The following SMG1 variants were observed in gnomAD, a reference collection of about 807,000 sequenced individuals.
The protein encoded by SMG1 is SMG1 nonsense mediated mRNA decay associated PI3K related kinase.
SMG1 carries 22 observed loss-of-function variants against 419.9 expected under a neutral mutation model. That is an observed-to-expected ratio of 0.05 (90% confidence interval 0.04 to 0.07). The LOEUF is 0.07. Among genes scored for constraint, SMG1 ranks in the 10% least tolerant of loss-of-function variants. The pLI is 1.00. For missense variants in SMG1, 3,185 were observed against 4,342.0 expected (o/e 0.73, Z 7.49); for synonymous variants, 1,538 against 1,553.5 (o/e 0.99, Z 0.23).
intron 1 of SMG1, among the ~76,000 whole-genome samples, chr16:18,918,608 G>A (rs184987408): frequency 1.2e-4 from 18 of 152,304 alleles, no homozygotes; most frequent in South Asian, 6.2e-4. Context: ...GAGTGCAATG[G>A]CATGATCTTG....
chr16:18,863,235 A>C (rs1383919264), intron 25 of SMG1, among the ~76,000 whole-genome samples: 1 of 152,258 alleles, frequency 6.6e-6, no homozygotes, highest in East Asian at 1.9e-4. Context: ...AGCACAGAGG[A>C]ATGAAAAGAA....
chr16:18,889,140 A>G (rs560790982), intron 6 of SMG1, among the ~76,000 whole-genome samples: 1 of 152,318 alleles, frequency 6.6e-6, no homozygotes, highest in East Asian at 1.9e-4. Flanking sequence ...CCAATTTCTT[A>G]GAAGAAATCT....
intron 1 of SMG1, among the ~76,000 whole-genome samples, chr16:18,899,486 T>C (rs1850599): frequency 0.31 from 46,513 of 151,982 alleles, 7,899 homozygotes; most frequent in Non-Finnish European, 0.39. Flanking sequence ...AGAACTCAGG[T>C]TGTAAGCATT....
At position 18,854,898 on chromosome 16, in the gene SMG1, G is replaced by C; in HGVS notation, c.4241C>G (p.Thr1414Arg). The C allele has an allele frequency of 6.2e-7, 1 of 1,613,420 alleles. No homozygotes were observed. The highest frequency in any genetic ancestry group is 1.3e-5 in the African/African-American group (1 of 74,996). ...NQLLEKIKEQ[T>R]VPIRSHLMEL... ...CATGAGATGGCTTCTAATTGGGACT[G>C]TTTGTTCTGAAGAGAGGAAAACGTT... is the stretch of plus-strand genomic sequence containing the variant. The change falls in exon 30 of 63, where the codon ACA becomes AGA. Residue 1414 changes from threonine (T) to arginine (R), a missense_variant. This residue lies in a region of SMG1 where 493 missense variants were observed against 552.9 expected (regional missense o/e 0.89). Coordinates refer to ENST00000446231, the MANE Select transcript of SMG1 (RefSeq NM_015092.5).
chr16:18,913,637 A>G (rs2037867527), intron 1 of SMG1, among the ~76,000 whole-genome samples: 1 of 152,104 alleles, frequency 6.6e-6, no homozygotes, highest in Non-Finnish European at 1.5e-5. Flanking sequence ...ACAAATATCT[A>G]GTAAATATTA....
intron 23 of SMG1, among the ~76,000 whole-genome samples, chr16:18,864,650 C>T (rs1047427382): frequency 1.5e-4 from 23 of 152,080 alleles, no homozygotes; most frequent in African/African-American, 5.3e-4. Flanking sequence ...CGCCCACCAC[C>T]ACACCTGGCT....
In SMG1 at chr16:18,834,168, C is replaced by G. The variant is rs1431241778; in HGVS notation, c.8565+36G>C. The G allele has an allele frequency of 6.9e-6, 10 of 1,452,552 alleles. No individual in the cohort carries two copies. The East Asian group carries it at 1.5e-4, about 22-fold the overall frequency. The allele number at this position is 1,452,552 out of a possible 1,614,324, so 90.0% of individuals were successfully genotyped here. ...AGATGAGAAAGACAATATTCAGTAT[C>G]TAAAACAAACTAATATTTAAAATAA... On this transcript the variant is annotated intron_variant, in intron 50 of 62. Transcript: ENST00000446231.
chr16:18,816,045 T>TG (rs1399228851), intron 58 of SMG1: 4 of 504,954 alleles, frequency 7.9e-6, no homozygotes, highest in African/African-American at 7.7e-5. Context: ...GTTCATATCT[T>TG]GGTTTTATTA....
chr16:18,911,480 C>T (rs965939465), intron 1 of SMG1: 4 of 152,046 alleles, frequency 2.6e-5, no homozygotes, highest in African/African-American at 9.7e-5. Flanking sequence ...TGCACTCCAG[C>T]CTGGGGGACA....
rs1050946113 is a variant in SMG1 at position 18,864,119 on chromosome 16, G to C, written c.3376C>G (p.Gln1126Glu). 5 of 1,547,218 alleles carry C rather than the reference G, an allele frequency of 3.2e-6. No individual in the cohort carries two copies. Among genetic ancestry groups the C allele is most frequent in the Non-Finnish European group, 3.5e-6 (4 of 1,146,052 alleles). Residue 1126 changes from glutamine (Q) to glutamate (E), a missense_variant, in exon 24 of 63, where the codon CAG (glutamine) becomes GAG (glutamate). Around this residue, in one of 27 missense-constraint regions of SMG1, gnomAD observed 121 missense variants for 125.4 expected, o/e 0.96. Transcript: ENST00000446231. ...CCTGTCATGGCACACAGGTGTTCCT[G>C]GTACTCCACAGAGGCCTTTTCAAAC... is the stretch of plus-strand genomic sequence containing the variant. ...GRFEKASVEY[Q>E]EHLCAMTGVD...
At chr16:18,871,005 C>T in intron 16 of SMG1, 117 bp from the exon 17 acceptor site, 1 of 657,006 alleles carries the variant, frequency 1.5e-6, no homozygotes, top group Non-Finnish European at 2.6e-6. Context: ...CTACTATAGA[C>T]TAGGCACTAC....
chr16:18,870,797 A>G lies in SMG1; in HGVS notation c.2390+4T>C, dbSNP rs2035776131. 6.4e-7 allele frequency: 1 copy of G among 1,564,190 alleles called. No homozygotes were observed. Among genetic ancestry groups the G allele is most frequent in the South Asian group, 1.2e-5 (1 of 85,612 alleles). On this transcript the variant is annotated splice_donor_region_variant and intron_variant, in intron 17 of 62. Transcript: ENST00000446231. ...TGTCAAAAGACATGATCTTAATTTCATACCTCTGTAAAAGATCATCTGGCA... is the reference window on the plus strand; with the variant it reads ...TGTCAAAAGACATGATCTTAATTTCGTACCTCTGTAAAAGATCATCTGGCA...
At chr16:18,888,478 CTTT>C (rs142087294) in intron 6 of SMG1, among the ~76,000 whole-genome samples, 10 of 140,166 alleles carry the variant, frequency 7.1e-5, no homozygotes, top group Admixed American at 7.1e-5. Flanking sequence ...GAAAAAAATC[CTTT>C]TTTTTTTTTT....
intron 52 of SMG1, 44 bp from the exon 53 acceptor site, chr16:18,830,159 C>G (rs373091295): frequency 1.2e-6 from 2 of 1,606,050 alleles, no homozygotes; most frequent in African/African-American, 2.7e-5. Flanking sequence ...CCACTCTTGA[C>G]ACAACTGAAC....
In SMG1 at chr16:18,859,537, T is replaced by A; in HGVS notation, c.3953+19A>T. 7.3e-7 allele frequency: 1 copy of A among 1,370,396 alleles called. No individual in the cohort carries two copies. Among genetic ancestry groups the A allele is most frequent in the South Asian group, 1.2e-5 (1 of 81,300 alleles). 84.9% of individuals were successfully genotyped at this position (1,370,396 alleles called of 1,614,324 possible). On this transcript the variant is annotated intron_variant, in intron 27 of 62. Transcript: ENST00000446231. Reference sequence around the variant, plus strand: ...ATGATATACACAATGTACATTTACCTCCGTAAGAGTAAACTTACTCAGTTA... The same window carrying A: ...ATGATATACACAATGTACATTTACCACCGTAAGAGTAAACTTACTCAGTTA...
Position 18,849,369 on chromosome 16 carries a change from G to A in SMG1, c.5471C>T (p.Pro1824Leu). 1.2e-6 allele frequency: 2 copies of A among 1,609,926 alleles called. No homozygotes were observed. Among genetic ancestry groups the A allele is most frequent in the South Asian group, 1.1e-5 (1 of 90,802 alleles). ...TPTAPWRGII[P>L]QLFSRLNHPE... ...GTGGTTTAAGCGTGAGAAAAGTTGC[G>A]GAATAATTCCTTCAGGACAAGAAGA... Residue 1824 changes from proline (P) to leucine (L), a missense_variant, in exon 36 of 63, where the codon CCG becomes CTG. Pro to Leu is a moderately conservative substitution (Grantham distance 98). Around this residue, in one of 27 missense-constraint regions of SMG1, gnomAD observed 11 missense variants for 35.5 expected, o/e 0.31. Coordinates refer to ENST00000446231, the MANE Select transcript of SMG1 (RefSeq NM_015092.5).
At chr16:18,852,037 A>G (rs190901199) in intron 33 of SMG1, 30 bp downstream of exon 33, 11 of 1,579,020 alleles carry the variant, frequency 7.0e-6, no homozygotes, top group Admixed American at 1.9e-5. Flanking sequence ...TGGAGTAGCA[A>G]TCTTGCCCCA....
At chr16:18,848,088 T>C in intron 36 of SMG1, 55 bp from the exon 37 acceptor site, 3 of 1,457,388 alleles carry the variant, frequency 2.1e-6, no homozygotes, top group South Asian at 2.3e-5. Context: ...CATGTGCATA[T>C]GCTAGGTTAG....
chr16:18,835,203 C>T (rs2033478801), intron 48 of SMG1, 39 bp from the exon 49 acceptor site: 2 of 1,565,528 alleles, frequency 1.3e-6, no homozygotes, highest in Admixed American at 1.8e-5. Context: ...TATAACACAA[C>T]CACCCCCAAC....
Sources: allele counts gnomAD v4.1 joint callset (sites outside exome capture counted in the v4.1 genomes callset), GRCh38; gene constraint gnomAD v4.1.1; regional missense constraint gnomAD v4.1.1; transcripts MANE v1.5; gene names NCBI Gene and HGNC (gene_info 2026-07-23, HGNC 2026-07-21).